TMEM209: variants seen among roughly 807,000 people sequenced by gnomAD.
TMEM209 encodes the protein testicular tissue protein Li 202.
TMEM209 carries 65 observed loss-of-function variants against 76.2 expected under a neutral mutation model. The observed-to-expected ratio is 0.85, with a 90% CI of 0.70 to 1.05. The LOEUF (loss-of-function observed/expected upper bound fraction) is 1.05. Ranked by LOEUF, TMEM209 falls within the 50% of genes least tolerant of loss-of-function variation. The probability of loss-of-function intolerance (pLI) is 0.00; values close to 1 mark genes in which losing one functional copy is unlikely to be tolerated. For synonymous variants in TMEM209, 239 were observed against 237.6 expected, an observed-to-expected ratio of 1.01 and a Z score of -0.06; for missense variants, 623 against 685.5, an observed-to-expected ratio of 0.91 and a Z score of 1.02.
intron 6 of TMEM209, among the ~76,000 whole-genome samples, chr7:130,190,220 C>CA (rs1224705533): frequency 6.6e-6 from 1 of 152,118 alleles, no homozygotes; most frequent in Non-Finnish European, 1.5e-5. Flanking sequence ...TTAAACACTT[C>CA]AAATGGCTAA....
chr7:130,185,424 T>A (rs1797565887), intron 6 of TMEM209, 57 bp from the exon 7 acceptor site: 3 of 1,493,626 alleles, frequency 2.0e-6, no homozygotes, highest in Non-Finnish European at 9.2e-7. Flanking sequence ...ACATCTACAG[T>A]TAACACTTAT....
At chr7:130,184,097 T>A (rs931626980) in intron 8 of TMEM209, 87 bp downstream of exon 8, 2 of 896,106 alleles carry the variant, frequency 2.2e-6, no homozygotes, top group East Asian at 2.7e-5. Flanking sequence ...TATTCTAATT[T>A]ATAATGAACT....
chr7:130,205,217 G>A (rs1261073172), intron 1 of TMEM209, 156 bp downstream of exon 1: 3 of 1,578,942 alleles, frequency 1.9e-6, no homozygotes, highest in Non-Finnish European at 2.6e-6. Context: ...ACGAACTTCA[G>A]CAACCCTATT....
At chr7:130,190,974 A>G (rs1018710401) in intron 6 of TMEM209, among the ~76,000 whole-genome samples, 1 of 151,502 alleles carries the variant, frequency 6.6e-6, no homozygotes, top group Non-Finnish European at 1.5e-5. Flanking sequence ...AGTGAGACCT[A>G]GTCTCAAAAA....
rs779786203 is a variant in TMEM209 at position 130,188,573 on chromosome 7, G to A, written c.776-3206C>T. On this transcript the variant is annotated intron_variant, in intron 6 of 14. Coordinates refer to ENST00000397622, the MANE Select transcript of TMEM209 (RefSeq NM_032842.4). ...ATCACACCACTGCACTCCAGCCGGG[G>A]TGACAGAGTGAGACTCCGTATCAAA... Among the ~76,000 whole-genome samples, 175 of 142,602 alleles carry A rather than the reference G, an allele frequency of 1.2e-3. 2 individuals are homozygous for A. Among genetic ancestry groups the A allele is most frequent in the Non-Finnish European group, 4.2e-4 (28 of 66,612 alleles). 93.6% of individuals were successfully genotyped at this position (142,602 alleles called of 152,430 possible). A position where few individuals can be genotyped will look rare whatever the true frequency, so the allele number is the denominator to read the frequency against.
In TMEM209 at chr7:130,189,399, G is replaced by GA. The variant is rs1016615821; in HGVS notation, c.775+3222dup. Among the ~76,000 whole-genome samples the GA allele has an allele frequency of 3.0e-4, 45 of 152,094 alleles. 1 individual carries two copies. Among genetic ancestry groups the GA allele is most frequent in the Non-Finnish European group, 8.8e-5 (6 of 68,010 alleles). On this transcript the variant is annotated intron_variant, in intron 6 of 14. Transcript: ENST00000397622. ...AGGTGGGGTTTCACCATGTTGGTCA[G>GA]AAAATCCTGACCTGGTCTCAAAATC... is the stretch of plus-strand genomic sequence containing the variant.
intron 6 of TMEM209, among the ~76,000 whole-genome samples, chr7:130,191,649 T>C (rs548947737): frequency 1.3e-5 from 2 of 152,254 alleles, no homozygotes; most frequent in African/African-American, 4.8e-5. Context: ...AACCAAGCCT[T>C]TTCAGGCTTG....
intron 9 of TMEM209, among the ~76,000 whole-genome samples, chr7:130,180,407 G>A (rs1027911859): frequency 2.0e-5 from 3 of 151,622 alleles, no homozygotes; most frequent in East Asian, 1.9e-4. Context: ...TCAAAGTCTC[G>A]AAGTCTCGCT....
chr7:130,200,335 AT>A (rs889044568), intron 5 of TMEM209, among the ~76,000 whole-genome samples: 2 of 152,174 alleles, frequency 1.3e-5, no homozygotes, highest in Non-Finnish European at 2.9e-5. Context: ...GCAGAGATTT[AT>A]TTTTTTAAAA....
intron 9 of TMEM209, among the ~76,000 whole-genome samples, chr7:130,181,012 C>A (rs1163096259): frequency 6.6e-6 from 1 of 152,182 alleles, no homozygotes; most frequent in Admixed American, 6.5e-5. Flanking sequence ...TTGTACGTGA[C>A]TGTTCACAGC....
chr7:130,173,946 A>G lies in TMEM209; in HGVS notation c.1345-7T>C. 1 of 1,578,944 alleles carries G rather than the reference A, an allele frequency of 6.3e-7. No homozygotes were observed. ...AAAATACATGCATGATGATCTGAGG[A>G]TGAAGAAATAATTTTTTTTTAAGTC... On this transcript the variant is annotated splice_region_variant and splice_polypyrimidine_tract_variant and intron_variant, in intron 11 of 14. Coordinates refer to ENST00000397622, the MANE Select transcript of TMEM209 (RefSeq NM_032842.4).
At chr7:130,195,722 G>A (rs1165215786) in intron 5 of TMEM209, among the ~76,000 whole-genome samples, 5 of 150,824 alleles carry the variant, frequency 3.3e-5, no homozygotes, top group East Asian at 3.9e-4. Flanking sequence ...ATGTTTTTTC[G>A]GTTTGTTTTT....
intron 5 of TMEM209, among the ~76,000 whole-genome samples, chr7:130,199,500 G>A (rs558890389): frequency 2.6e-5 from 4 of 152,196 alleles, no homozygotes; most frequent in African/African-American, 4.8e-5. Flanking sequence ...GATTACAGGC[G>A]TGACCCGCTG....
At chr7:130,204,350 T>C (rs1468447269) in intron 1 of TMEM209, among the ~76,000 whole-genome samples, 4 of 152,126 alleles carry the variant, frequency 2.6e-5, no homozygotes, top group Non-Finnish European at 5.9e-5. Flanking sequence ...TATTTATCTA[T>C]TTATTTGTTT....
At chr7:130,185,096 C>T in intron 7 of TMEM209, 96 bp downstream of exon 7, 1 of 1,365,878 alleles carries the variant, frequency 7.3e-7, no homozygotes, top group Non-Finnish European at 9.8e-7. Flanking sequence ...TTCTGTCCAA[C>T]AGAATGGAAG....
intron 8 of TMEM209, among the ~76,000 whole-genome samples, chr7:130,182,234 G>T (rs906242456): frequency 6.6e-6 from 1 of 151,900 alleles, no homozygotes; most frequent in East Asian, 1.9e-4. Flanking sequence ...GAGCCACTGC[G>T]CCTGGCAACT....
chr7:130,173,553 G>A (rs1409210614), intron 13 of TMEM209, 79 bp downstream of exon 13: 1 of 1,072,146 alleles, frequency 9.3e-7, no homozygotes, highest in African/African-American at 1.6e-5. Flanking sequence ...CTATTAACAT[G>A]AGATTATAAT....
At chr7:130,169,558 G>A (rs914071553) in intron 14 of TMEM209, among the ~76,000 whole-genome samples, 17 of 152,130 alleles carry the variant, frequency 1.1e-4, no homozygotes, top group African/African-American at 4.1e-4. Context: ...ACCTCAATTT[G>A]GTCTAGTCCT....
At chr7:130,174,413 G>A (rs1797171035) in intron 11 of TMEM209, among the ~76,000 whole-genome samples, 1 of 151,952 alleles carries the variant, frequency 6.6e-6, no homozygotes, top group African/African-American at 2.4e-5. Context: ...TGGAGGGTGG[G>A]GCTTAAACAC....
Sources: allele counts gnomAD v4.1 joint callset (sites outside exome capture counted in the v4.1 genomes callset), GRCh38; gene constraint gnomAD v4.1.1; transcripts MANE v1.5; gene names NCBI Gene and HGNC (gene_info 2026-07-23, HGNC 2026-07-21).